The following MMP8 variants were observed in gnomAD, a reference collection of about 807,000 sequenced individuals.
The protein encoded by MMP8 is matrix metallopeptidase 8, also known as neutrophil collagenase.
In MMP8, 67 loss-of-function variants were observed where a neutral mutation model predicts 51.2. That is an observed-to-expected ratio of 1.31 (90% CI 1.08 to 1.60). MMP8 has a LOEUF of 1.60. Ranked by LOEUF, MMP8 falls within the 40% of genes most tolerant of loss-of-function variation. MMP8 has a pLI of 0.00. For synonymous variants in MMP8, 225 were observed against 191.0 expected, an observed-to-expected ratio of 1.18 and a Z score of -1.47; for missense variants, 654 against 558.1, an observed-to-expected ratio of 1.17 and a Z score of -1.73.
At position 102,719,201 on chromosome 11, in the gene MMP8, G is replaced by T. The variant is rs538206630; in HGVS notation, c.623-626C>A. On this transcript the variant is annotated intron_variant, in intron 4 of 9. Transcript: ENST00000236826. ...ATGAGCATAGTGCCGTTCACAACTG[G>T]AGACTTAAAACCTTCCCAGGATCTC... Among the ~76,000 whole-genome samples the T allele has an allele frequency of 2.6e-5, 4 of 152,176 alleles. No individual in the cohort carries two copies. The South Asian group carries it at 8.3e-4, about 32-fold the overall frequency.
rs1565442112 is a variant in MMP8, at chr11:102,722,647, T to C, written c.129A>G (p.Leu43=). ...TTGTAGACTGATACTGGTTGCTTGG[T>C]AATTGGTAGAACTTTTCCAGGTAGT... ...VQDYLEKFYQ[L]PSNQYQSTRK... Residue 43 remains leucine, a synonymous_variant, in exon 2 of 10, where the codon TTA becomes TTG. Transcript: ENST00000236826. 6.2e-7 allele frequency: 1 copy of C among 1,613,778 alleles called. No homozygotes were observed. The highest frequency in any genetic ancestry group is 8.5e-7 in the Non-Finnish European group (1 of 1,179,746).
chr11:102,722,869 A>C (rs750674735), intron 1 of MMP8, 196 bp from the exon 2 acceptor site: 98 of 1,038,316 alleles, frequency 9.4e-5, no homozygotes, highest in Admixed American at 1.2e-4. Flanking sequence ...TCAGTGCTCC[A>C]GTTAATGGTT....
In MMP8 at chr11:102,716,331, G is replaced by A. The variant is rs3740938; in HGVS notation, c.873C>T (p.Leu291=). 118,166 of 1,600,928 alleles carry A rather than the reference G, an allele frequency of 0.074. 5,870 individuals are homozygous for A. Among genetic ancestry groups the A allele is most frequent in the East Asian group, 0.22 (9,887 of 44,200 alleles). ...CTTTAAAGAAAAGTATTTCTCCACG[G>A]AGTGTGGTGATAGCATCAAATGTCA... ...PSLTFDAITT[L]RGEILFFKDR... The change falls in exon 6 of 10, where the codon CTC becomes CTT. Residue 291 remains leucine, a synonymous_variant. Coordinates refer to ENST00000236826, the MANE Select transcript of MMP8 (RefSeq NM_002424.3).
rs113544809 is a variant in MMP8, at chr11:102,716,183, G to T, written c.902+119C>A. 2.1e-4 allele frequency: 150 copies of T among 700,876 alleles called. 1 individual carries two copies. The African/African-American group carries it at 2.4e-3, about 11-fold the overall frequency. The allele number at this position is 700,876 out of a possible 1,614,324, so 43.4% of individuals were successfully genotyped here. A position where few individuals can be genotyped will look rare whatever the true frequency, so the allele number is the denominator to read the frequency against. ...TGCCCCAGAACCTATAAAAAATTCC[G>T]ATGAGAAGCACAAGTATAGAATTCA... On this transcript the variant is annotated intron_variant, in intron 6 of 9. Coordinates refer to ENST00000236826, the MANE Select transcript of MMP8 (RefSeq NM_002424.3).
chr11:102,719,144 T>C (rs1454452996), intron 4 of MMP8, among the ~76,000 whole-genome samples: 1 of 152,338 alleles, frequency 6.6e-6, no homozygotes, highest in Non-Finnish European at 1.5e-5. Flanking sequence ...AATCCTACCC[T>C]TATTGCTCTC....
chr11:102,716,228 G>T, intron 6 of MMP8, 74 bp downstream of exon 6: 1 of 1,076,590 alleles, frequency 9.3e-7, no homozygotes, highest in Non-Finnish European at 1.4e-6. Flanking sequence ...TGACTAACGT[G>T]TGACTTAATT....
chr11:102,716,074 G>T (rs1356332092), intron 6 of MMP8, among the ~76,000 whole-genome samples: 1 of 151,896 alleles, frequency 6.6e-6, no homozygotes, highest in Non-Finnish European at 1.5e-5. Flanking sequence ...CATAAATTCA[G>T]TATAGACACA....
chr11:102,721,145 TG>T (rs1861456509), intron 4 of MMP8, among the ~76,000 whole-genome samples: 1 of 152,216 alleles, frequency 6.6e-6, no homozygotes, highest in African/African-American at 2.4e-5. Context: ...AGGCAGGATT[TG>T]GCCGTAGTCT....
intron 9 of MMP8, 37 bp downstream of exon 9, chr11:102,713,717 A>T: frequency 6.6e-7 from 1 of 1,520,272 alleles, no homozygotes; most frequent in Non-Finnish European, 9.0e-7. Context: ...ATAAACAAAC[A>T]AACAACACAT....
At position 102,713,241 on chromosome 11, in the gene MMP8, A is replaced by C; in HGVS notation, c.*107T>G. The C allele has an allele frequency of 1.4e-6, 1 of 732,186 alleles. No individual in the cohort carries two copies. The highest frequency in any genetic ancestry group is 2.6e-5 in the East Asian group (1 of 38,796). 45.4% of individuals were successfully genotyped at this position (732,186 alleles called of 1,614,324 possible). On this transcript the variant is annotated 3_prime_UTR_variant, in exon 10 of 10. Coordinates refer to ENST00000236826, the MANE Select transcript of MMP8 (RefSeq NM_002424.3). ...AGAATGGATACAGTGATGGGAAACA[A>C]TGACTTAATATTGAGAAAAGTATAA...
At position 102,717,270 on chromosome 11, in the gene MMP8, C is replaced by T. The variant is rs1221749348; in HGVS notation, c.785-851G>A. ...GCCAACTAGGGAACAGAAGGGCAAG[C>T]GTGAAGAGAGATGTAATGGTCTTAT... On this transcript the variant is annotated intron_variant, in intron 5 of 9. Coordinates refer to ENST00000236826, the MANE Select transcript of MMP8 (RefSeq NM_002424.3). 3.3e-5 allele frequency among the ~76,000 whole-genome samples: 5 copies of T among 152,232 alleles called. No homozygotes were observed. The South Asian group carries it at 6.2e-4, about 19-fold the overall frequency.
Position 102,716,270 on chromosome 11 carries a change from GAATCAAAGGAAGA to G in MMP8, c.902+19_902+31del. On this transcript the variant is annotated intron_variant, in intron 6 of 9. Transcript: ENST00000236826. ...CAGTTTTAAGGTATGTCAGTAAGAGGAATCAAAGGAAGAAATATTTCAATTTTATACCTGTCTT... is the reference window on the plus strand; with the variant it reads ...CAGTTTTAAGGTATGTCAGTAAGAGGAATATTTCAATTTTATACCTGTCTT... 2 of 1,411,386 alleles carry G rather than the reference GAATCAAAGGAAGA, an allele frequency of 1.4e-6. No individual in the cohort carries two copies. Among genetic ancestry groups the G allele is most frequent in the Non-Finnish European group, 2.0e-6 (2 of 1,005,450 alleles). The allele number at this position is 1,411,386 out of a possible 1,614,324, so 87.4% of individuals were successfully genotyped here.
chr11:102,716,420 C>T lies in MMP8; in HGVS notation c.785-1G>A, dbSNP rs201814517. On this transcript the variant is annotated splice_acceptor_variant, in intron 5 of 9. Coordinates refer to ENST00000236826, the MANE Select transcript of MMP8 (RefSeq NM_002424.3). LOFTEE classifies it high-confidence loss of function. ...GGTTGGATAGGGTTGCTTGAAAGTC[C>T]TGGAAAAAAAAAAAAAAAAAAAAAA... 2.1e-4 allele frequency: 172 copies of T among 832,060 alleles called. 3 individuals are homozygous for T. In the South Asian group the frequency reaches 2.4e-3, roughly 12 times the overall value. The allele number at this position is 832,060 out of a possible 1,614,324, so 51.5% of individuals were successfully genotyped here.
chr11:102,714,725 G>T lies in MMP8; in HGVS notation c.1037-16C>A. Reference sequence around the variant, plus strand: ...TATTGGTTGCCTGTCAATGATTCAGGTTAAGTGTTAAATACGACTTTTCCA... The same window carrying T: ...TATTGGTTGCCTGTCAATGATTCAGTTTAAGTGTTAAATACGACTTTTCCA... On this transcript the variant is annotated splice_polypyrimidine_tract_variant and intron_variant, in intron 7 of 9. Transcript: ENST00000236826. 1.5e-6 allele frequency: 2 copies of T among 1,373,044 alleles called. No homozygotes were observed. The highest frequency in any genetic ancestry group is 1.9e-6 in the Non-Finnish European group (2 of 1,055,906). 85.1% of individuals were successfully genotyped at this position (1,373,044 alleles called of 1,614,324 possible).
chr11:102,715,174 G>C, intron 7 of MMP8, 130 bp downstream of exon 7: 2 of 1,154,640 alleles, frequency 1.7e-6, no homozygotes, highest in South Asian at 1.7e-5. Context: ...CCCAACCCTA[G>C]TCTTCTGGCA....
In MMP8 at chr11:102,712,393, G is replaced by C. The variant is rs1381189200; in HGVS notation, c.*955C>G. The C allele has an allele frequency of 6.6e-6, 1 of 152,184 alleles. No individual in the cohort carries two copies. The highest frequency in any genetic ancestry group is 1.5e-5 in the Non-Finnish European group (1 of 68,044). 9.4% of individuals were successfully genotyped at this position (152,184 alleles called of 1,614,324 possible). On this transcript the variant is annotated 3_prime_UTR_variant, in exon 10 of 10. Transcript: ENST00000236826. ...ATTTTCATATGTGTAGATGTACTGT[G>C]TCTAGTACCTCATGTCTAGGGTTGC...
In MMP8 at chr11:102,716,378, G is replaced by T. The variant is rs139865836; in HGVS notation, c.826C>A (p.Pro276Thr). The T allele has an allele frequency of 4.1e-5, 65 of 1,595,410 alleles. No individual in the cohort carries two copies. Among genetic ancestry groups the T allele is most frequent in the South Asian group, 2.0e-4 (18 of 90,526 alleles). ...NPIQPTGPST[P>T]KPCDPSLTFD... ...GTCAAACTGGGGTCACAGGGTTTGG[G>T]TGTGCTTGGTCCAGTAGGTTGGATA... The change falls in exon 6 of 10, where the codon CCC becomes ACC. Residue 276 changes from proline (P) to threonine (T), a missense_variant. Transcript: ENST00000236826.
chr11:102,719,566 G>A (rs910170206), intron 4 of MMP8, among the ~76,000 whole-genome samples: 63 of 152,120 alleles, frequency 4.1e-4, no homozygotes, highest in African/African-American at 1.4e-3. Context: ...GTGACAGATT[G>A]GGGTCAAACC....
At position 102,724,657 on chromosome 11, in the gene MMP8, A is replaced by C. The variant is rs35321530; in HGVS notation, c.102+97T>G. 0.031 allele frequency: 34,404 copies of C among 1,119,806 alleles called. 654 individuals carry two copies. Among genetic ancestry groups the C allele is most frequent in the Non-Finnish European group, 0.039 (30,920 of 797,414 alleles). 69.4% of individuals were successfully genotyped at this position (1,119,806 alleles called of 1,614,324 possible). A position where few individuals can be genotyped will look rare whatever the true frequency, so the allele number is the denominator to read the frequency against. ...CAATCTCAAACTAATCACCCAAATA[A>C]TTTCTTTCAGGCTGTTTTAATTAAC... On this transcript the variant is annotated intron_variant, in intron 1 of 9. Coordinates refer to ENST00000236826, the MANE Select transcript of MMP8 (RefSeq NM_002424.3).
Sources: allele counts gnomAD v4.1 joint callset (sites outside exome capture counted in the v4.1 genomes callset), GRCh38; gene constraint gnomAD v4.1.1; transcripts MANE v1.5; gene names NCBI Gene and HGNC (gene_info 2026-07-23, HGNC 2026-07-21).